The following SLC37A1 variants were observed in gnomAD, a reference collection of about 807,000 sequenced individuals.
SLC37A1 encodes glucose-6-phosphate exchanger SLC37A1.
In SLC37A1, 49 loss-of-function variants were observed where a neutral mutation model predicts 75.3. The observed-to-expected ratio is 0.65, with a 90% CI of 0.52 to 0.83. The LOEUF (loss-of-function observed/expected upper bound fraction) is 0.83. Ranked by LOEUF, SLC37A1 falls within the 40% of genes least tolerant of loss-of-function variation. The probability of loss-of-function intolerance (pLI) is 0.00; values close to 1 mark genes in which losing one functional copy is unlikely to be tolerated. For synonymous variants in SLC37A1, 268 were observed against 292.1 expected (o/e 0.92, Z 0.84); for missense variants, 566 against 695.0 (o/e 0.81, Z 2.09).
rs756126154 is a variant in SLC37A1 at position 42,542,385 on chromosome 21, C to G, written c.487-19C>G. 4 of 1,612,546 alleles carry G rather than the reference C, an allele frequency of 2.5e-6. No individual in the cohort carries two copies. The African/African-American group carries it at 5.3e-5, about 22-fold the overall frequency. On this transcript the variant is annotated intron_variant, in intron 6 of 19. Coordinates refer to ENST00000352133, the MANE Select transcript of SLC37A1 (RefSeq NM_001320537.2). The stretch of plus-strand genomic sequence containing the variant: ...GCCTGCTTCCCACAGGTCAGTCTCT[C>G]CTTTGGCCTCTCCTGCAGGTCATCA...
intron 18 of SLC37A1, chr21:42,575,683 A>G (rs2056293260): frequency 2.0e-6 from 2 of 985,392 alleles, no homozygotes; most frequent in African/African-American, 1.7e-5. Flanking sequence ...ACAAAACCTT[A>G]GGCTGATCCC....
At position 42,543,593 on chromosome 21, in the gene SLC37A1, C is replaced by A; in HGVS notation, c.721C>A (p.Leu241Ile). 6.2e-7 allele frequency: 1 copy of A among 1,601,936 alleles called. No homozygotes were observed. Among genetic ancestry groups the A allele is most frequent in the Non-Finnish European group, 8.5e-7 (1 of 1,173,116 alleles). The change falls in exon 8 of 20, where the codon CTC becomes ATC. Residue 241 changes from leucine to isoleucine, a missense_variant. Leu to Ile is a conservative substitution (Grantham distance 5). Coordinates refer to ENST00000352133, the MANE Select transcript of SLC37A1 (RefSeq NM_001320537.2). ...CATGGGGATAGTGTGCTTTCTCTTC[C>A]TCATTGAACGTAAGTGCACGTGGCC... The part of the protein sequence containing the change: ...AAMGIVCFLF[L>I]IEHPNDVRCS...
rs765320185 is a variant in SLC37A1, at chr21:42,568,470, G to A, written c.1423+32G>A. 4 of 1,594,666 alleles carry A rather than the reference G, an allele frequency of 2.5e-6. No homozygotes were observed. In the Admixed American group the frequency reaches 5.1e-5, roughly 20 times the overall value. On this transcript the variant is annotated intron_variant, in intron 17 of 19. Transcript: ENST00000352133. Reference sequence around the variant, plus strand: ...AGAGAGTTTTAGCTCTGGGAGGTTTGGTGTCTTAGGGGAAATCACATTGTC... The same window carrying A: ...AGAGAGTTTTAGCTCTGGGAGGTTTAGTGTCTTAGGGGAAATCACATTGTC...
intron 11 of SLC37A1, chr21:42,560,575 T>C (rs2055805684): frequency 6.6e-6 from 1 of 152,270 alleles, no homozygotes; most frequent in African/African-American, 2.4e-5. Context: ...GGGAGAACCT[T>C]GGCTTCAGAA....
chr21:42,544,085 C>G (rs2055350337), intron 8 of SLC37A1, among the ~76,000 whole-genome samples: 1 of 152,224 alleles, frequency 6.6e-6, no homozygotes, highest in East Asian at 1.9e-4. Context: ...CAATAGCAAA[C>G]TCTTTATTTA....
At position 42,548,777 on chromosome 21, in the gene SLC37A1, T is replaced by A. The variant is rs2146917639; in HGVS notation, c.768+1637T>A. On this transcript the variant is annotated intron_variant, in intron 9 of 19. Coordinates refer to ENST00000352133, the MANE Select transcript of SLC37A1 (RefSeq NM_001320537.2). This position sits in a 1 kb window ranked among gnomAD's most constrained non-coding sequence, Gnocchi z 5.6. ...TGAAATCCTCACCAGTCCATCTGGT[T>A]GGTCTCTGTCACCCTCACAGAAGGG... Among the ~76,000 whole-genome samples the A allele has an allele frequency of 6.6e-6, 1 of 152,306 alleles. No individual in the cohort carries two copies. Among genetic ancestry groups the A allele is most frequent in the African/African-American group, 2.4e-5 (1 of 41,568 alleles).
intron 5 of SLC37A1, 39 bp downstream of exon 5, chr21:42,535,589 C>G: frequency 6.4e-7 from 1 of 1,561,074 alleles, no homozygotes; most frequent in Non-Finnish European, 8.8e-7. Flanking sequence ...TCCTGGTTAC[C>G]TGGCCCCTCC....
intron 3 of SLC37A1, among the ~76,000 whole-genome samples, chr21:42,527,368 C>T (rs373370315): frequency 1.7e-4 from 26 of 152,048 alleles, no homozygotes; most frequent in African/African-American, 5.8e-4. Context: ...GTCCCTCTCC[C>T]GGCTTTCCTG....
chr21:42,548,908 C>T lies in SLC37A1; in HGVS notation c.768+1768C>T, dbSNP rs1334935380. ...GTCCTTTTTCTGTCTTTTCATACCT[C>T]GGGCTCCTGGGTGTGATTCATATGG... On this transcript the variant is annotated intron_variant, in intron 9 of 19. Coordinates refer to ENST00000352133, the MANE Select transcript of SLC37A1 (RefSeq NM_001320537.2). This position sits in a 1 kb window ranked among gnomAD's most constrained non-coding sequence, Gnocchi z 5.6. 1.3e-5 allele frequency among the ~76,000 whole-genome samples: 2 copies of T among 152,142 alleles called. No individual in the cohort carries two copies. The highest frequency in any genetic ancestry group is 2.1e-4 in the South Asian group (1 of 4,826).
At chr21:42,527,912 C>T (rs1601682880) in intron 3 of SLC37A1, among the ~76,000 whole-genome samples, 1 of 152,156 alleles carries the variant, frequency 6.6e-6, no homozygotes, top group African/African-American at 2.4e-5. Flanking sequence ...CCTTCTGAAG[C>T]GCCCGTGTGC....
At chr21:42,522,699 C>T (rs2054683260) in intron 2 of SLC37A1, among the ~76,000 whole-genome samples, 1 of 152,190 alleles carries the variant, frequency 6.6e-6, no homozygotes, top group African/African-American at 2.4e-5. Flanking sequence ...AGGAACATTC[C>T]AGTTTGCTGT....
chr21:42,546,351 A>ATGAT (rs916880098), intron 8 of SLC37A1, among the ~76,000 whole-genome samples: 164 of 152,306 alleles, frequency 1.1e-3, no homozygotes, highest in African/African-American at 3.9e-3. Flanking sequence ...GTTCCATATC[A>ATGAT]AGATAGATGT....
chr21:42,505,766 A>G (rs1445484605), intron 2 of SLC37A1, among the ~76,000 whole-genome samples: 1 of 152,246 alleles, frequency 6.6e-6, no homozygotes, highest in Non-Finnish European at 1.5e-5. Flanking sequence ...GTTTTCTAAA[A>G]GTTAAAACCA....
upstream of SLC37A1, among the ~76,000 whole-genome samples, chr21:42,513,033 G>A (rs2054453947): frequency 6.6e-6 from 1 of 152,196 alleles, no homozygotes; most frequent in South Asian, 2.1e-4. Context: ...GTTTTATCCG[G>A]GGGCAGGCTT....
rs530385595 is a variant in SLC37A1, at chr21:42,570,398, T to C, written c.1423+1960T>C. On this transcript the variant is annotated intron_variant, in intron 17 of 19. Transcript: ENST00000352133. The stretch of plus-strand genomic sequence containing the variant: ...AGTGAGACCAGACCAGCCTCGTCTC[T>C]GCCCTTCATGTTGGTTCCTTCCTTT... Among the ~76,000 whole-genome samples the C allele has an allele frequency of 9.2e-5, 14 of 152,336 alleles. No homozygotes were observed. In the East Asian group the frequency reaches 2.7e-3, roughly 29 times the overall value.
intron 8 of SLC37A1, among the ~76,000 whole-genome samples, chr21:42,546,287 G>A (rs1037040707): frequency 2.0e-5 from 3 of 152,150 alleles, no homozygotes; most frequent in Non-Finnish European, 4.4e-5. Flanking sequence ...CCTCACTTCT[G>A]GTTCTGTTCC....
rs1174569163 is a variant in SLC37A1, at chr21:42,543,597, T to C, written c.725T>C (p.Ile242Thr). Residue 242 changes from isoleucine (I) to threonine (T), a missense_variant, in exon 8 of 20, where the codon ATT becomes ACT. Coordinates refer to ENST00000352133, the MANE Select transcript of SLC37A1 (RefSeq NM_001320537.2). The part of the protein sequence containing the change: ...AMGIVCFLFL[I>T]EHPNDVRCSS... ...GGGATAGTGTGCTTTCTCTTCCTCA[T>C]TGAACGTAAGTGCACGTGGCCTTGG... 3 of 1,600,246 alleles carry C rather than the reference T, an allele frequency of 1.9e-6. No homozygotes were observed. The highest frequency in any genetic ancestry group is 1.7e-5 in the Admixed American group (1 of 57,512).
At chr21:42,568,016 C>T (rs140312509) in intron 16 of SLC37A1, among the ~76,000 whole-genome samples, 1 of 152,368 alleles carries the variant, frequency 6.6e-6, no homozygotes, top group Non-Finnish European at 1.5e-5. Context: ...GGAAGGCCGG[C>T]GCAGCTCAGG....
chr21:42,571,190 C>CA (rs1273390246), intron 17 of SLC37A1, among the ~76,000 whole-genome samples: 1 of 152,190 alleles, frequency 6.6e-6, no homozygotes, highest in Non-Finnish European at 1.5e-5. Context: ...GCCACCATGT[C>CA]AGCCAAGTCC....
Sources: allele counts gnomAD v4.1 joint callset (sites outside exome capture counted in the v4.1 genomes callset), GRCh38; gene constraint gnomAD v4.1.1; non-coding constraint Gnocchi (gnomAD v3.1); transcripts MANE v1.5; gene names NCBI Gene and HGNC (gene_info 2026-07-23, HGNC 2026-07-21).